Variants in POLA1 observed in about 807,000 individuals in gnomAD.
The protein encoded by POLA1 is DNA polymerase alpha catalytic subunit.
A neutral mutation model predicts 124.0 loss-of-function variants in POLA1; 15 were observed. The observed-to-expected ratio is 0.12, with a 90% CI of 0.08 to 0.19. The LOEUF (loss-of-function observed/expected upper bound fraction) is 0.19, where lower values mean the gene tolerates loss of function less well. Among genes scored for constraint, POLA1 ranks in the 10% least tolerant of loss-of-function variants. The probability of loss-of-function intolerance (pLI) is 1.00; values close to 1 mark genes in which losing one functional copy is unlikely to be tolerated. For synonymous variants in POLA1, 408 were observed against 389.4 expected, an observed-to-expected ratio of 1.05 and a Z score of -0.56; for missense variants, 886 against 1,103.4, an observed-to-expected ratio of 0.80 and a Z score of 2.79.
chrX:24,995,917 C>G lies in POLA1; in HGVS notation c.4374C>G (p.Ser1458Arg), dbSNP rs2147310795. Residue 1458 changes from serine to arginine, a missense_variant, in exon 37 of 37, where the codon AGC (serine) becomes AGG (arginine). By Grantham distance (110) the Ser-to-Arg change is moderately radical. This residue lies in a region of POLA1 where 313 missense variants were observed against 359.7 expected (regional missense o/e 0.87). Transcript: ENST00000379068. ...GTGGCTACTCCGAAGTGAATCTGAG[C>G]AAACTCTTCGCTGGTTGTGCCGTGA... ...SRSGYSEVNLSKLFAGCAVKS is the reference protein window; with the variant it reads ...SRSGYSEVNLRKLFAGCAVKS 8.3e-7 allele frequency: 1 copy of G among 1,208,476 alleles called. No homozygotes were observed. Among genetic ancestry groups the G allele is most frequent in the African/African-American group, 1.8e-5 (1 of 56,991 alleles).
chrX:24,802,878 A>G (rs1277134165), intron 26 of POLA1, among the ~76,000 whole-genome samples: 1 of 111,403 alleles, frequency 9.0e-6, no homozygotes, highest in Non-Finnish European at 1.9e-5. Context: ...CCTGCCTGTA[A>G]TACCAGCTAC....
chrX:24,850,283 G>GGAC (rs2046539793), intron 34 of POLA1, among the ~76,000 whole-genome samples: 1 of 112,308 alleles, frequency 8.9e-6, no homozygotes, highest in East Asian at 2.8e-4. Flanking sequence ...CTCATTGTAA[G>GGAC]TAATTTATCC....
At chrX:24,980,180 C>T (rs1214371816) in intron 36 of POLA1, among the ~76,000 whole-genome samples, 3 of 111,611 alleles carry the variant, frequency 2.7e-5, no homozygotes, top group African/African-American at 6.5e-5. Context: ...TTGTAGAACT[C>T]GTCAGGAAAA....
intron 26 of POLA1, among the ~76,000 whole-genome samples, chrX:24,780,871 T>A (rs1044021301): frequency 2.7e-5 from 3 of 112,008 alleles, no homozygotes; most frequent in Non-Finnish European, 5.6e-5. Flanking sequence ...GGAGAGTTTG[T>A]GTAGAACTGG....
chrX:24,736,910 G>A (rs1199490772), intron 18 of POLA1, among the ~76,000 whole-genome samples: 2 of 112,005 alleles, frequency 1.8e-5, no homozygotes, highest in African/African-American at 3.2e-5. Context: ...TTAATAACAA[G>A]TATATTTATT....
At chrX:24,963,481 A>G (rs2048190318) in intron 36 of POLA1, among the ~76,000 whole-genome samples, 1 of 111,864 alleles carries the variant, frequency 8.9e-6, no homozygotes, top group African/African-American at 3.2e-5. Flanking sequence ...GTTTCTATGA[A>G]GTCTCCAGAA....
At chrX:24,709,794 C>CA (rs1424216967) in intron 4 of POLA1, among the ~76,000 whole-genome samples, 1 of 60,971 alleles carries the variant, frequency 1.6e-5, no homozygotes, top group East Asian at 4.8e-4. Context: ...AGACGATGGG[C>CA]GGCCGGGCAG....
chrX:24,891,066 A>G (rs1220142516), intron 35 of POLA1, among the ~76,000 whole-genome samples: 2 of 112,679 alleles, frequency 1.8e-5, no homozygotes, highest in Admixed American at 1.9e-4. Context: ...AGGTTAGTCT[A>G]TAATCTTAGA....
intron 34 of POLA1, among the ~76,000 whole-genome samples, chrX:24,880,194 A>G (rs1423618894): frequency 8.9e-6 from 1 of 112,116 alleles, no homozygotes; most frequent in African/African-American, 3.2e-5. Flanking sequence ...GGAGTGCTCC[A>G]TTATCCTTTC....
intron 28 of POLA1, among the ~76,000 whole-genome samples, chrX:24,811,798 A>G (rs938034598): frequency 2.7e-5 from 3 of 111,991 alleles, no homozygotes; most frequent in Non-Finnish European, 5.6e-5. Flanking sequence ...ATACCTACAT[A>G]CATACATATA....
intron 36 of POLA1, among the ~76,000 whole-genome samples, chrX:24,969,691 T>C (rs1230519971): frequency 9.0e-6 from 1 of 111,034 alleles, no homozygotes; most frequent in Non-Finnish European, 1.9e-5. Flanking sequence ...ATGTACAGGA[T>C]TTGCATATTT....
intron 36 of POLA1, among the ~76,000 whole-genome samples, chrX:24,989,676 C>T (rs1263624157): frequency 1.8e-5 from 2 of 110,305 alleles, no homozygotes; most frequent in African/African-American, 6.6e-5. Flanking sequence ...GTCACTATCC[C>T]ATTGGCTTTG....
intron 36 of POLA1, among the ~76,000 whole-genome samples, chrX:24,964,263 G>A (rs1286265005): frequency 8.9e-6 from 1 of 112,400 alleles, no homozygotes; most frequent in Non-Finnish European, 1.9e-5. Flanking sequence ...ATAGTCATAT[G>A]CCACTTCATG....
At chrX:24,909,425 A>G (rs2047413615) in intron 35 of POLA1, among the ~76,000 whole-genome samples, 1 of 111,907 alleles carries the variant, frequency 8.9e-6, no homozygotes, top group Admixed American at 9.5e-5. Context: ...ATGTGTAAGG[A>G]AGGGATCCAG....
chrX:24,972,181 A>G (rs1161679391), intron 36 of POLA1, among the ~76,000 whole-genome samples: 4 of 110,921 alleles, frequency 3.6e-5, no homozygotes, highest in African/African-American at 6.6e-5. Flanking sequence ...ATGCTGGCCA[A>G]GCTGGTCTAG....
At chrX:24,840,278 G>A (rs1286113261) in intron 32 of POLA1, among the ~76,000 whole-genome samples, 2 of 112,422 alleles carry the variant, frequency 1.8e-5, no homozygotes, top group Non-Finnish European at 3.8e-5. Context: ...ATTAAATGAT[G>A]TTCATTCACT....
intron 26 of POLA1, among the ~76,000 whole-genome samples, chrX:24,766,589 T>TATAA (rs1932908877): frequency 8.9e-6 from 1 of 111,901 alleles, no homozygotes; most frequent in Non-Finnish European, 1.9e-5. Context: ...GAAAAAAAGC[T>TATAA]ATAAATAATT....
chrX:24,951,562 G>A (rs770432899), intron 36 of POLA1, among the ~76,000 whole-genome samples: 5 of 109,207 alleles, frequency 4.6e-5, no homozygotes, highest in African/African-American at 6.7e-5. Flanking sequence ...TCATCTTCCC[G>A]CCCCACTTCA....
chrX:24,991,506 C>T (rs2048535511), intron 36 of POLA1, among the ~76,000 whole-genome samples: 1 of 112,661 alleles, frequency 8.9e-6, no homozygotes, highest in African/African-American at 3.2e-5. Flanking sequence ...TGCTCTTCCC[C>T]AAACTTCCAC....
Sources: gnomAD v4.1 joint callset for allele counts (sites outside exome capture counted in the v4.1 genomes callset) on GRCh38, gnomAD v4.1.1 for gene constraint, gnomAD v4.1.1 regional missense constraint, MANE v1.5 for transcripts, NCBI Gene and HGNC (gene_info 2026-07-23, HGNC 2026-07-21) for gene names.